The following ADAMTS19 variants were observed in gnomAD, a reference collection of about 807,000 sequenced individuals.
ADAMTS19 encodes A disintegrin and metalloproteinase with thrombospondin motifs 19.
ADAMTS19 carries 93 observed loss-of-function variants against 153.3 expected under a neutral mutation model. The ratio of observed to expected loss-of-function variants is 0.61; its 90% CI spans 0.51 to 0.72. ADAMTS19 has a LOEUF of 0.72. Ranked by LOEUF, ADAMTS19 falls within the 30% of genes least tolerant of loss-of-function variation. The pLI is 0.00. For missense variants in ADAMTS19, 1,482 were observed against 1,552.1 expected (o/e 0.95, Z 0.76); for synonymous variants, 600 against 556.6 (o/e 1.08, Z -1.10).
At chr5:129,646,377 T>G (rs1029646526) in intron 11 of ADAMTS19, among the ~76,000 whole-genome samples, 1 of 152,126 alleles carries the variant, frequency 6.6e-6, no homozygotes, top group African/African-American at 2.4e-5. Flanking sequence ...CAGAGACTAA[T>G]TATTTTATGG....
chr5:129,548,101 G>A (rs2126813262), intron 6 of ADAMTS19, among the ~76,000 whole-genome samples: 1 of 150,752 alleles, frequency 6.6e-6, no homozygotes, highest in South Asian at 2.1e-4. Flanking sequence ...ATACCATTCA[G>A]GACATAGGCA....
intron 7 of ADAMTS19, among the ~76,000 whole-genome samples, chr5:129,563,044 A>G (rs1322233556): frequency 6.6e-6 from 1 of 152,188 alleles, no homozygotes; most frequent in Non-Finnish European, 1.5e-5. Flanking sequence ...ACATATTTAA[A>G]TAGCCCTTTA....
rs1561607999 is a variant in ADAMTS19 at position 129,620,746 on chromosome 5, A to G, written c.1607A>G (p.Glu536Gly). 6.2e-7 allele frequency: 1 copy of G among 1,612,660 alleles called. No individual in the cohort carries two copies. The highest frequency in any genetic ancestry group is 1.7e-5 in the Admixed American group (1 of 59,878). Residue 536 changes from glutamate to glycine, a missense_variant, in exon 9 of 23, where the codon GAA becomes GGA. Physicochemically the swap from Glu to Gly is moderately conservative, Grantham distance 98. Coordinates refer to ENST00000274487, the MANE Select transcript of ADAMTS19 (RefSeq NM_133638.6). ...TCTCGATGTAGCAAGGAAGATTTGGAAAGATTTCTCAGGTATGGAGGTCAC... is the reference window on the plus strand; with the variant it reads ...TCTCGATGTAGCAAGGAAGATTTGGGAAGATTTCTCAGGTATGGAGGTCAC... Reference protein sequence around the residue: ...SWSRCSKEDLERFLRSKASNC... With the variant: ...SWSRCSKEDLGRFLRSKASNC...
chr5:129,528,053 C>T (rs1389581880), intron 5 of ADAMTS19, among the ~76,000 whole-genome samples: 2 of 151,896 alleles, frequency 1.3e-5, no homozygotes, highest in Non-Finnish European at 2.9e-5. Context: ...CAAATCTTAA[C>T]TTTCCAAAGT....
intron 10 of ADAMTS19, among the ~76,000 whole-genome samples, chr5:129,641,565 T>C (rs1315834146): frequency 1.3e-5 from 2 of 152,284 alleles, no homozygotes; most frequent in Admixed American, 1.3e-4. Flanking sequence ...CTGTCTTAAT[T>C]TTTTCTGTTG....
chr5:129,683,988 C>T (rs963020310), intron 17 of ADAMTS19, 132 bp from the exon 18 acceptor site: 7 of 963,214 alleles, frequency 7.3e-6, no homozygotes, highest in East Asian at 2.5e-5. Context: ...GGTATGTCCA[C>T]AACAGCAACA....
intron 1 of ADAMTS19, chr5:129,460,787 T>C (rs1749620218): frequency 1.9e-6 from 1 of 517,998 alleles, no homozygotes; most frequent in Non-Finnish European, 3.4e-6. Context: ...CGCTCTGCTC[T>C]AGCATACACT....
At chr5:129,640,935 G>A (rs1581175208) in intron 10 of ADAMTS19, among the ~76,000 whole-genome samples, 1 of 151,638 alleles carries the variant, frequency 6.6e-6, no homozygotes. Context: ...AGCAATTCTC[G>A]TGCCTCAGCC....
intron 16 of ADAMTS19, among the ~76,000 whole-genome samples, chr5:129,678,003 G>A (rs1165153690): frequency 6.6e-6 from 1 of 152,010 alleles, no homozygotes; most frequent in Non-Finnish European, 1.5e-5. Flanking sequence ...TGTAGAGATG[G>A]GGTTTTGCCA....
chr5:129,534,516 C>G (rs910820823), intron 6 of ADAMTS19, among the ~76,000 whole-genome samples: 3 of 152,166 alleles, frequency 2.0e-5, no homozygotes, highest in Non-Finnish European at 2.9e-5. Flanking sequence ...TGGTACCATT[C>G]CTTCTGTAAC....
At chr5:129,503,992 C>G (rs1326694661) in intron 2 of ADAMTS19, among the ~76,000 whole-genome samples, 2 of 152,268 alleles carry the variant, frequency 1.3e-5, no homozygotes, top group South Asian at 4.1e-4. Context: ...CGCTAATTCT[C>G]GGATGTACTT....
intron 16 of ADAMTS19, among the ~76,000 whole-genome samples, chr5:129,675,458 C>T (rs1385242821): frequency 6.6e-6 from 1 of 151,878 alleles, no homozygotes; most frequent in East Asian, 1.9e-4. Flanking sequence ...TTTTAGAATC[C>T]AGTCAGTTTC....
intron 17 of ADAMTS19, among the ~76,000 whole-genome samples, chr5:129,683,088 T>C (rs923628776): frequency 6.6e-6 from 1 of 152,186 alleles, no homozygotes; most frequent in Non-Finnish European, 1.5e-5. Flanking sequence ...TAATGTATCA[T>C]ATTATATTAT....
intron 10 of ADAMTS19, among the ~76,000 whole-genome samples, chr5:129,635,713 A>G (rs968184770): frequency 1.3e-5 from 2 of 152,144 alleles, no homozygotes; most frequent in Admixed American, 6.6e-5. Flanking sequence ...ACAGAGGGGA[A>G]CAACACACAT....
Position 129,704,271 on chromosome 5 carries a change from T to C in ADAMTS19, c.3192T>C (p.His1064=), listed in dbSNP as rs1157720150. Residue 1064 remains histidine (H), a synonymous_variant, in exon 21 of 23, where the codon CAT becomes CAC. Coordinates refer to ENST00000274487, the MANE Select transcript of ADAMTS19 (RefSeq NM_133638.6). The part of the protein sequence containing the change: ...CSVKCGKGIR[H]RTVRCTNPRK... ...TCAAGTGTGGCAAAGGCATACGTCA[T>C]CGGACCGTTAGATGTACCAACCCAA... is the stretch of plus-strand genomic sequence containing the variant. The C allele has an allele frequency of 6.8e-6, 11 of 1,613,992 alleles. No individual in the cohort carries two copies. The African/African-American group carries it at 1.3e-4, about 20-fold the overall frequency.
At chr5:129,644,812 TG>T (rs1185313971) in intron 11 of ADAMTS19, among the ~76,000 whole-genome samples, 2 of 152,192 alleles carry the variant, frequency 1.3e-5, no homozygotes, top group Non-Finnish European at 2.9e-5. Flanking sequence ...AACCTTAGAC[TG>T]TTTGGAAGGA....
intron 7 of ADAMTS19, among the ~76,000 whole-genome samples, chr5:129,588,927 T>C (rs920985838): frequency 3.3e-5 from 5 of 151,862 alleles, no homozygotes; most frequent in African/African-American, 1.2e-4. Flanking sequence ...TCTCCAGTTG[T>C]TTTCTTTTTT....
At position 129,693,461 on chromosome 5, in the gene ADAMTS19, A is replaced by G. The variant is rs146386480; in HGVS notation, c.2819-1259A>G. 2.6e-4 allele frequency among the ~76,000 whole-genome samples: 39 copies of G among 152,300 alleles called. No individual in the cohort carries two copies. The South Asian group carries it at 4.8e-3, about 19-fold the overall frequency. On this transcript the variant is annotated intron_variant, in intron 18 of 22. Transcript: ENST00000274487. ...CTAATGGGCCTTTCAATAGTGAACC[A>G]GCAGACTTGTGATGTCTTCTTACTT...
At chr5:129,578,073 CACACACAT>C (rs1469970772) in intron 7 of ADAMTS19, among the ~76,000 whole-genome samples, 1 of 138,296 alleles carries the variant, frequency 7.2e-6, no homozygotes, top group African/African-American at 2.5e-5. Context: ...CACACACACA[CACACACAT>C]ATATACATAT....
Sources: allele counts gnomAD v4.1 joint callset (sites outside exome capture counted in the v4.1 genomes callset), GRCh38; gene constraint gnomAD v4.1.1; transcripts MANE v1.5; gene names NCBI Gene and HGNC (gene_info 2026-07-23, HGNC 2026-07-21).